NIT1: variants seen among roughly 807,000 people sequenced by gnomAD.
NIT1 encodes nitrilase 1, also known as deaminated glutathione amidase.
In NIT1, 30 loss-of-function variants were observed where a neutral mutation model predicts 36.8. The ratio of observed to expected loss-of-function variants is 0.82; its 90% CI spans 0.61 to 1.11. NIT1 has a LOEUF of 1.11. Among genes scored for constraint, NIT1 ranks in the 50% least tolerant of loss-of-function variants. NIT1 has a pLI of 0.00. For missense variants in NIT1, 438 were observed against 410.6 expected, an observed-to-expected ratio of 1.07 and a Z score of -0.58; for synonymous variants, 151 against 155.6, an observed-to-expected ratio of 0.97 and a Z score of 0.22.
chr1:161,124,328 A>G (rs980091264), downstream of NIT1: 2 of 1,614,246 alleles, frequency 1.2e-6, no homozygotes, highest in Non-Finnish European at 1.7e-6. Context: ...AGAGGAAAGA[A>G]AGCACGCGCA....
chr1:161,124,380 C>T (rs139003041), downstream of NIT1: 407 of 1,614,130 alleles, frequency 2.5e-4, no homozygotes, highest in Middle Eastern at 1.6e-3. Flanking sequence ...GTCAAACATG[C>T]GGTGCAGGCT....
chr1:161,118,152 T>A lies in NIT1; in HGVS notation c.-25T>A. 1 of 1,614,016 alleles carries A rather than the reference T, an allele frequency of 6.2e-7. No homozygotes were observed. Among genetic ancestry groups the A allele is most frequent in the East Asian group, 2.2e-5 (1 of 44,874 alleles). On this transcript the variant is annotated 5_prime_UTR_variant, in exon 1 of 7. Transcript: ENST00000368009. Reference sequence around the variant, plus strand: ...CCAGACCGCCCTCCGGATCGGACCCTGCGAATGGTTTTGGCTATATCTTCA... The same window carrying A: ...CCAGACCGCCCTCCGGATCGGACCCAGCGAATGGTTTTGGCTATATCTTCA...
At chr1:161,119,410 A>G in intron 3 of NIT1, 22 bp downstream of exon 3, 1 of 1,613,236 alleles carries the variant, frequency 6.2e-7, no homozygotes, top group Non-Finnish European at 8.5e-7. Context: ...ATAGCGAGGG[A>G]GAGGTAGAAT....
rs1655453386 is a variant in NIT1, at chr1:161,121,193, C to CA, written c.*429dup. On this transcript the variant is annotated 3_prime_UTR_variant, in exon 7 of 7. Coordinates refer to ENST00000368009, the MANE Select transcript of NIT1 (RefSeq NM_005600.3). ...CCTACCTAAATAAAAGTGCAACACT[C>CA]AGTGCATGTCCCAGCCCCATTCTCC... is the stretch of plus-strand genomic sequence containing the variant. The CA allele has an allele frequency of 9.7e-7, 1 of 1,028,746 alleles. No homozygotes were observed. Among genetic ancestry groups the CA allele is most frequent in the South Asian group, 3.5e-5 (1 of 28,560 alleles). 63.7% of individuals were successfully genotyped at this position (1,028,746 alleles called of 1,614,324 possible). A position where few individuals can be genotyped will look rare whatever the true frequency, so the allele number is the denominator to read the frequency against.
At chr1:161,122,516 T>TGG (rs1373677315), downstream of NIT1, 1 of 1,613,116 alleles carries the variant, frequency 6.2e-7, no homozygotes, top group Non-Finnish European at 8.5e-7. This position sits in a 1 kb window ranked among gnomAD's most constrained non-coding sequence, Gnocchi z 4.2. Context: ...GAACCCGCAG[T>TGG]CTGATGTCTG....
At position 161,121,194 on chromosome 1, in the gene NIT1, A is replaced by C. The variant is rs1655453116; in HGVS notation, c.*429A>C. ...CTACCTAAATAAAAGTGCAACACTC[A>C]GTGCATGTCCCAGCCCCATTCTCCC... On this transcript the variant is annotated 3_prime_UTR_variant, in exon 7 of 7. Transcript: ENST00000368009. The C allele has an allele frequency of 9.7e-7, 1 of 1,028,834 alleles. No individual in the cohort carries two copies. Among genetic ancestry groups the C allele is most frequent in the Admixed American group, 5.2e-5 (1 of 19,332 alleles). The allele number at this position is 1,028,834 out of a possible 1,614,324, so 63.7% of individuals were successfully genotyped here.
intron 1 of NIT1, chr1:161,118,417 G>T (rs1457675768): frequency 6.5e-7 from 1 of 1,535,076 alleles, no homozygotes; most frequent in Non-Finnish European, 8.7e-7. Flanking sequence ...GGTGAAAGGG[G>T]AAATATGCTT....
At chr1:161,124,702 C>T (rs1333962865), downstream of NIT1, 3 of 814,542 alleles carry the variant, frequency 3.7e-6, no homozygotes, top group African/African-American at 5.2e-5. Flanking sequence ...GGGCTCACAC[C>T]TGTAATCCCA....
intron 1 of NIT1, 166 bp from the exon 2 acceptor site, chr1:161,118,620 G>A: frequency 4.6e-6 from 7 of 1,530,930 alleles, no homozygotes; most frequent in Non-Finnish European, 6.1e-6. Context: ...CCCACTGTAT[G>A]GTCTTGTCCC....
intron 6 of NIT1, 67 bp downstream of exon 6, chr1:161,120,299 C>A: frequency 6.3e-7 from 1 of 1,575,746 alleles, no homozygotes; most frequent in Non-Finnish European, 8.7e-7. Flanking sequence ...TTGGCCCTAC[C>A]AGTTAAATTC....
chr1:161,122,081 C>T, downstream of NIT1: 1 of 1,576,008 alleles, frequency 6.3e-7, no homozygotes, highest in Non-Finnish European at 8.6e-7. This position sits in a 1 kb window ranked among gnomAD's most constrained non-coding sequence, Gnocchi z 4.2. Flanking sequence ...AGAACAAACC[C>T]CAGAACAGTG....
At position 161,118,242 on chromosome 1, in the gene NIT1, A is replaced by G. The variant is rs544231278; in HGVS notation, c.2+64A>G. On this transcript the variant is annotated intron_variant, in intron 1 of 6. Transcript: ENST00000368009. ...CCACCTGCGGTGCTTTAACTTGTGTAACAGAGATGCTGCCTCTGGGAGAGG... is the reference window on the plus strand; with the variant it reads ...CCACCTGCGGTGCTTTAACTTGTGTGACAGAGATGCTGCCTCTGGGAGAGG... 4.3e-6 allele frequency: 7 copies of G among 1,613,654 alleles called. No individual in the cohort carries two copies. In the Admixed American group the frequency reaches 8.3e-5, roughly 19 times the overall value.
In NIT1 at chr1:161,120,100, A is replaced by G. The variant is rs752147907; in HGVS notation, c.592-7A>G. 6.2e-7 allele frequency: 1 copy of G among 1,614,136 alleles called. No individual in the cohort carries two copies. Among genetic ancestry groups the G allele is most frequent in the South Asian group, 1.1e-5 (1 of 91,074 alleles). ...AAGACTACTAAGTAGGCTGTTTTTC[A>G]TTCCAGATTGGTCTAGCTGTCTGCT... On this transcript the variant is annotated splice_polypyrimidine_tract_variant and splice_region_variant and intron_variant, in intron 5 of 6. Coordinates refer to ENST00000368009, the MANE Select transcript of NIT1 (RefSeq NM_005600.3).
At chr1:161,118,413 A>C (rs1194186124) in intron 1 of NIT1, 2 of 1,533,518 alleles carry the variant, frequency 1.3e-6, no homozygotes, top group Non-Finnish European at 1.7e-6. Context: ...TTCTGGTGAA[A>C]GGGGAAATAT....
Position 161,120,749 on chromosome 1 carries a change from G to C in NIT1, c.968G>C (p.Gly323Ala), listed in dbSNP as rs376379316. Residue 323 changes from glycine (G) to alanine (A), a missense_variant, in exon 7 of 7, where the codon GGT becomes GCT. Gly to Ala is a moderately conservative substitution (Grantham distance 60). Coordinates refer to ENST00000368009, the MANE Select transcript of NIT1 (RefSeq NM_005600.3). Reference sequence around the variant, plus strand: ...AGGCCTGACCTCTATGGCAATCTGGGTCACCCACTGTCTTAAGACTTGACT... The same window carrying C: ...AGGCCTGACCTCTATGGCAATCTGGCTCACCCACTGTCTTAAGACTTGACT... ...HRRPDLYGNL[G>A]HPLS 3 of 1,613,332 alleles carry C rather than the reference G, an allele frequency of 1.9e-6. No individual in the cohort carries two copies. In the South Asian group the frequency reaches 3.3e-5, roughly 18 times the overall value.
At chr1:161,123,678 A>G (rs1273814240), downstream of NIT1, among the ~76,000 whole-genome samples, 1 of 150,718 alleles carries the variant, frequency 6.6e-6, no homozygotes, top group Admixed American at 6.6e-5. Context: ...GAGCAAATAC[A>G]GGACCTAGGA....
At chr1:161,118,228 G>C in intron 1 of NIT1, 50 bp downstream of exon 1, 5 of 1,613,900 alleles carry the variant, frequency 3.1e-6, no homozygotes, top group Non-Finnish European at 4.2e-6. Context: ...CACCTGCGGT[G>C]CTTTAACTTG....
downstream of NIT1, chr1:161,124,089 C>T (rs750022910): frequency 2.5e-6 from 4 of 1,586,292 alleles, no homozygotes; most frequent in South Asian, 4.7e-5. Flanking sequence ...CTGCTCCTTC[C>T]TGGCCTCCCA....
At position 161,119,880 on chromosome 1, in the gene NIT1, G is replaced by T. The variant is rs1655253423; in HGVS notation, c.519G>T (p.Gly173=). The T allele has an allele frequency of 1.9e-6, 3 of 1,613,240 alleles. No individual in the cohort carries two copies. The East Asian group carries it at 6.7e-5, about 36-fold the overall frequency. ...HLCDVEIPGQ[G]PMCESNSTMP... ...GTGACGTAGAGATTCCAGGGCAGGG[G>T]CCTATGTGTGAAAGCAACTCTACCA... Residue 173 remains glycine, a synonymous_variant, in exon 5 of 7, where the codon GGG becomes GGT. Transcript: ENST00000368009.
Sources: gnomAD v4.1 joint callset for allele counts (sites outside exome capture counted in the v4.1 genomes callset) on GRCh38, gnomAD v4.1.1 for gene constraint, Gnocchi (gnomAD v3.1) non-coding constraint, MANE v1.5 for transcripts, NCBI Gene and HGNC (gene_info 2026-07-23, HGNC 2026-07-21) for gene names.